TERB1: variants seen among roughly 807,000 people sequenced by gnomAD.
The protein encoded by TERB1 is telomere repeats-binding bouquet formation protein 1.
In TERB1, 63 loss-of-function variants were observed where a neutral mutation model predicts 92.3. That is an observed-to-expected ratio of 0.68 (90% CI 0.56 to 0.84). The LOEUF (loss-of-function observed/expected upper bound fraction) is 0.84. TERB1 is among the 40% of genes least tolerant of loss of function. The pLI, the probability that TERB1 is intolerant of heterozygous loss-of-function variation, is 0.00. For missense variants in TERB1, 709 were observed against 843.7 expected (o/e 0.84, Z 1.98); for synonymous variants, 252 against 283.9 (o/e 0.89, Z 1.13).
At chr16:66,791,310 C>T (rs2018831589) in intron 3 of TERB1, among the ~76,000 whole-genome samples, 1 of 151,208 alleles carries the variant, frequency 6.6e-6, no homozygotes, top group East Asian at 1.9e-4. Context: ...AAATATCTGT[C>T]ATTTAGAAAA....
chr16:66,769,695 G>C (rs547313183), intron 14 of TERB1, among the ~76,000 whole-genome samples: 17 of 152,004 alleles, frequency 1.1e-4, no homozygotes, highest in African/African-American at 2.7e-4. Flanking sequence ...AATCTGTTAC[G>C]CCACTCAATT....
intron 16 of TERB1, among the ~76,000 whole-genome samples, chr16:66,760,456 CAAAAA>C (rs1338924292): frequency 4.0e-3 from 154 of 38,268 alleles, no homozygotes; most frequent in African/African-American, 6.4e-3. Flanking sequence ...GACTCCATCT[CAAAAA>C]AAAAAAAAAG....
At chr16:66,757,590 T>A (rs2018158466) in intron 18 of TERB1, among the ~76,000 whole-genome samples, 1 of 152,216 alleles carries the variant, frequency 6.6e-6, no homozygotes, top group Non-Finnish European at 1.5e-5. Flanking sequence ...CATGCAGAAC[T>A]TTTAATCTAG....
Position 66,772,759 on chromosome 16 carries a change from A to G in TERB1, c.1112-10T>C. On this transcript the variant is annotated splice_polypyrimidine_tract_variant and intron_variant, in intron 12 of 18. Transcript: ENST00000433154. ...AGAGATAATTTCTCAGCTTTGTAGTATGGGAAAAAACAATGAATGAAAAGT... is the reference window on the plus strand; with the variant it reads ...AGAGATAATTTCTCAGCTTTGTAGTGTGGGAAAAAACAATGAATGAAAAGT... The G allele has an allele frequency of 1.3e-6, 2 of 1,524,878 alleles. No individual in the cohort carries two copies. Among genetic ancestry groups the G allele is most frequent in the Non-Finnish European group, 1.8e-6 (2 of 1,134,934 alleles). 94.5% of individuals were successfully genotyped at this position (1,524,878 alleles called of 1,614,324 possible). A position where few individuals can be genotyped will look rare whatever the true frequency, so the allele number is the denominator to read the frequency against.
rs2018563482 is a variant in TERB1 at position 66,777,242 on chromosome 16, T to C, written c.946A>G (p.Ser316Gly). The change falls in exon 11 of 19, where the codon AGC becomes GGC. Residue 316 changes from serine (S) to glycine (G), a missense_variant. Transcript: ENST00000433154. ...HESLDSGEKF[S>G]IMLTLGHCTE... The stretch of plus-strand genomic sequence containing the variant: ...CAATGACCAAGAGTAAGCATGATGC[T>C]AAATTTTTCTCCTGAATCCAGACTT... 1.3e-6 allele frequency: 2 copies of C among 1,551,116 alleles called. No homozygotes were observed. Among genetic ancestry groups the C allele is most frequent in the Admixed American group, 3.9e-5 (2 of 50,974 alleles).
At position 66,772,406 on chromosome 16, in the gene TERB1, T is replaced by TGGGAGGCGGAGGTTGCA; in HGVS notation, c.1272+166_1272+182dup. Among the ~76,000 whole-genome samples, 4 of 152,228 alleles carry TGGGAGGCGGAGGTTGCA rather than the reference T, an allele frequency of 2.6e-5. 1 individual carries two copies. Among genetic ancestry groups the TGGGAGGCGGAGGTTGCA allele is most frequent in the Admixed American group, 2.6e-4 (4 of 15,276 alleles). ...CTGAGGCATAAGAATCACTTGAACT[T>TGGGAGGCGGAGGTTGCA]GGGAGGCGGAGGTTGCAGTGAGCCG... is the stretch of plus-strand genomic sequence containing the variant. On this transcript the variant is annotated intron_variant, in intron 13 of 18. Transcript: ENST00000433154.
At chr16:66,792,439 T>C (rs1597026711) in intron 3 of TERB1, among the ~76,000 whole-genome samples, 1 of 152,020 alleles carries the variant, frequency 6.6e-6, no homozygotes, top group Non-Finnish European at 1.5e-5. Flanking sequence ...TGCCGTCAGG[T>C]AAGAAAAAAG....
At chr16:66,765,624 A>C (rs1476024997) in intron 16 of TERB1, among the ~76,000 whole-genome samples, 1 of 151,388 alleles carries the variant, frequency 6.6e-6, no homozygotes, top group Non-Finnish European at 1.5e-5. Flanking sequence ...TGCCCAGCTA[A>C]TTTTTTGTAT....
At chr16:66,785,455 G>A (rs2018712187) in intron 9 of TERB1, among the ~76,000 whole-genome samples, 1 of 151,910 alleles carries the variant, frequency 6.6e-6, no homozygotes, top group South Asian at 2.1e-4. Context: ...AGATATTTGG[G>A]GCTTTTCTAG....
At chr16:66,772,239 G>A (rs934155921) in intron 13 of TERB1, among the ~76,000 whole-genome samples, 1 of 152,140 alleles carries the variant, frequency 6.6e-6, no homozygotes, top group African/African-American at 2.4e-5. Flanking sequence ...CAGCATTTCG[G>A]GAGGCTAAGG....
At chr16:66,769,558 T>C (rs2018408606) in intron 14 of TERB1, among the ~76,000 whole-genome samples, 3 of 152,196 alleles carry the variant, frequency 2.0e-5, no homozygotes, top group African/African-American at 7.2e-5. Context: ...TCACATCCTA[T>C]TCCCTTTATC....
intron 9 of TERB1, among the ~76,000 whole-genome samples, chr16:66,784,296 A>T (rs1303938071): frequency 3.3e-5 from 5 of 150,150 alleles, no homozygotes; most frequent in African/African-American, 1.2e-4. Context: ...TGGTTGGCTA[A>T]TTTCTTAGGT....
At chr16:66,765,181 G>A (rs545726534) in intron 16 of TERB1, among the ~76,000 whole-genome samples, 1 of 152,050 alleles carries the variant, frequency 6.6e-6, no homozygotes, top group Admixed American at 6.6e-5. Flanking sequence ...GGTAACTAGG[G>A]GAGAAAGGAA....
chr16:66,772,078 C>G (rs981228100), intron 13 of TERB1, among the ~76,000 whole-genome samples: 1 of 152,042 alleles, frequency 6.6e-6, no homozygotes, highest in East Asian at 1.9e-4. Flanking sequence ...TGTTTTATGT[C>G]AAAGCATGAT....
chr16:66,793,971 A>T (rs1459679200), intron 3 of TERB1, among the ~76,000 whole-genome samples: 1 of 152,268 alleles, frequency 6.6e-6, no homozygotes, highest in Non-Finnish European at 1.5e-5. Flanking sequence ...AACAGACACT[A>T]TAAGAAGGTA....
intron 2 of TERB1, among the ~76,000 whole-genome samples, chr16:66,800,394 T>TG (rs1224456415): frequency 9.6e-5 from 13 of 135,306 alleles, no homozygotes; most frequent in African/African-American, 2.8e-4. Context: ...TAAAGAAAGT[T>TG]TTTTTTTTTT....
intron 3 of TERB1, among the ~76,000 whole-genome samples, chr16:66,796,284 T>A (rs1246624703): frequency 6.6e-6 from 1 of 152,222 alleles, no homozygotes; most frequent in African/African-American, 2.4e-5. Flanking sequence ...AGCATTCTCG[T>A]AAGGTTCTGA....
intron 10 of TERB1, 22 bp downstream of exon 10, chr16:66,778,841 A>T (rs2018590329): frequency 6.9e-6 from 10 of 1,455,564 alleles, no homozygotes; most frequent in South Asian, 2.8e-5. Context: ...TTTCAAAAAA[A>T]CTAGTAAGCA....
chr16:66,789,017 C>CAAAA (rs57876042), intron 5 of TERB1, among the ~76,000 whole-genome samples: 847 of 64,680 alleles, frequency 0.013, 1 homozygote, highest in East Asian at 0.028. Context: ...GGTATGGTAC[C>CAAAA]AAAAAAAAAA....
Sources: gnomAD v4.1 joint callset for allele counts (sites outside exome capture counted in the v4.1 genomes callset) on GRCh38, gnomAD v4.1.1 for gene constraint, MANE v1.5 for transcripts, NCBI Gene and HGNC (gene_info 2026-07-23, HGNC 2026-07-21) for gene names.